Variants in MAF observed in about 807,000 individuals in gnomAD.
The protein encoded by MAF is transcription factor Maf.
In MAF, 10 loss-of-function variants were observed where a neutral mutation model predicts 22.0. The observed-to-expected ratio is 0.45, with a 90% CI of 0.28 to 0.77. The LOEUF (loss-of-function observed/expected upper bound fraction) is 0.77. MAF is among the 30% of genes least tolerant of loss of function. The pLI, the probability that MAF is intolerant of heterozygous loss-of-function variation, is 0.12. For missense variants in MAF, 544 were observed against 548.4 expected, an observed-to-expected ratio of 0.99 and a Z score of 0.08; for synonymous variants, 337 against 255.8, an observed-to-expected ratio of 1.32 and a Z score of -3.03.
chr16:79,578,958 C>G, the MAF span, among the ~76,000 whole-genome samples: 1 of 152,028 alleles, frequency 6.6e-6, no homozygotes, highest in African/African-American at 2.4e-5. Context: ...AGGGAGGGAC[C>G]CTTCCAGTAA....
the MAF span, among the ~76,000 whole-genome samples, chr16:79,256,601 A>G: frequency 6.6e-6 from 1 of 152,146 alleles, no homozygotes; most frequent in Admixed American, 6.5e-5. Context: ...CGTCCCCAGC[A>G]TGAGGTTTTA....
the MAF span, among the ~76,000 whole-genome samples, chr16:79,417,417 G>A: frequency 6.6e-6 from 1 of 152,210 alleles, no homozygotes. Context: ...CTATTTTGAA[G>A]GTGGAGGGGA....
At chr16:79,262,560 G>A in the MAF span, among the ~76,000 whole-genome samples, 2 of 152,140 alleles carry the variant, frequency 1.3e-5, no homozygotes, top group Non-Finnish European at 2.9e-5. Context: ...TACAGCACAC[G>A]CAAAGGCATG....
chr16:79,209,198 G>A, the MAF span, among the ~76,000 whole-genome samples: 2 of 152,220 alleles, frequency 1.3e-5, no homozygotes, highest in Non-Finnish European at 2.9e-5. Context: ...AGGTTGGCAT[G>A]AAATGAAGCC....
the MAF span, among the ~76,000 whole-genome samples, chr16:79,384,130 T>G: frequency 6.6e-6 from 1 of 152,058 alleles, no homozygotes; most frequent in Non-Finnish European, 1.5e-5. Context: ...AGGAAAGTAT[T>G]CTATTTAAGC....
the MAF span, among the ~76,000 whole-genome samples, chr16:79,207,921 A>G: frequency 2.0e-5 from 3 of 152,212 alleles, no homozygotes; most frequent in African/African-American, 7.2e-5. Context: ...AATGTTGATG[A>G]AAAGCAGCTA....
chr16:79,211,945 T>TAA, the MAF span: 1 of 1,537,080 alleles, frequency 6.5e-7, no homozygotes, highest in Admixed American at 2.0e-5. Context: ...TGAAAAATCT[T>TAA]AAGTACCAAT....
chr16:79,266,219 A>G, the MAF span, among the ~76,000 whole-genome samples: 1 of 152,122 alleles, frequency 6.6e-6, no homozygotes, highest in Non-Finnish European at 1.5e-5. Flanking sequence ...AGGGAGCAGG[A>G]TTTGATCACA....
chr16:79,495,862 C>T, the MAF span, among the ~76,000 whole-genome samples: 2 of 152,238 alleles, frequency 1.3e-5, no homozygotes, highest in South Asian at 2.1e-4. Flanking sequence ...GCACCATGGA[C>T]ACGGGAAGGA....
At chr16:79,561,855 G>A in the MAF span, among the ~76,000 whole-genome samples, 1 of 152,142 alleles carries the variant, frequency 6.6e-6, no homozygotes, top group Non-Finnish European at 1.5e-5. Flanking sequence ...TTAACCAAGA[G>A]TAACTATTTG....
At chr16:79,335,164 A>T in the MAF span, among the ~76,000 whole-genome samples, 13 of 148,876 alleles carry the variant, frequency 8.7e-5, no homozygotes, top group African/African-American at 3.2e-4. Flanking sequence ...CAGCCTGGCG[A>T]CAGAGCGAGA....
chr16:79,232,232 A>T, the MAF span, among the ~76,000 whole-genome samples: 1 of 152,080 alleles, frequency 6.6e-6, no homozygotes. Flanking sequence ...ACAAGTTAAA[A>T]AGACTTAAAT....
At chr16:79,396,529 T>C in the MAF span, among the ~76,000 whole-genome samples, 1 of 152,216 alleles carries the variant, frequency 6.6e-6, no homozygotes, top group African/African-American at 2.4e-5. Flanking sequence ...GAAGGCATTG[T>C]GTGGTTAAAT....
At chr16:79,581,146 T>C (rs1345647995), downstream of MAF, among the ~76,000 whole-genome samples, 1 of 152,090 alleles carries the variant, frequency 6.6e-6, no homozygotes, top group African/African-American at 2.4e-5. Flanking sequence ...AGAATTCTAA[T>C]CACTCCATTA....
the MAF span, among the ~76,000 whole-genome samples, chr16:79,463,876 T>C: frequency 6.6e-6 from 1 of 152,032 alleles, no homozygotes; most frequent in Non-Finnish European, 1.5e-5. Context: ...GTGGTGTTCT[T>C]TGATGCACCA....
chr16:79,516,963 G>A, the MAF span, among the ~76,000 whole-genome samples: 6 of 152,184 alleles, frequency 3.9e-5, no homozygotes, highest in Non-Finnish European at 7.3e-5. Context: ...CTGAACCAGA[G>A]GCTTTCTAAG....
intron 1 of MAF, chr16:79,595,545 T>C: frequency 9.4e-7 from 1 of 1,059,918 alleles, no homozygotes. Flanking sequence ...GCAAACTGCA[T>C]GAATTTGTAA....
chr16:79,578,739 G>C, the MAF span, among the ~76,000 whole-genome samples: 1 of 152,066 alleles, frequency 6.6e-6, no homozygotes, highest in African/African-American at 2.4e-5. Flanking sequence ...GCTATTAATC[G>C]CAAATTACTT....
rs1315244189 is a variant in MAF, at chr16:79,599,272, C to G, written c.631G>C (p.Gly211Arg). 3 of 978,630 alleles carry G rather than the reference C, an allele frequency of 3.1e-6. No homozygotes were observed. The highest frequency in any genetic ancestry group is 3.6e-6 in the Non-Finnish European group (3 of 827,388). The allele number at this position is 978,630 out of a possible 1,614,324, so 60.6% of individuals were successfully genotyped here. ...GAAGSAAASAGGAGGAGGGGP... is the reference protein window; with the variant it reads ...GAAGSAAASARGAGGAGGGGP... Reference sequence around the variant, plus strand: ...CCGCCGCCCGCGCCCCCAGCGCCACCGGCCGAGGCGGCCGCGCTGCCCGCG... The same window carrying G: ...CCGCCGCCCGCGCCCCCAGCGCCACGGGCCGAGGCGGCCGCGCTGCCCGCG... Residue 211 changes from glycine to arginine, a missense_variant, in exon 1 of 2, where the codon GGT becomes CGT. Around this residue, in one of 5 missense-constraint regions of MAF, gnomAD observed 342 missense variants for 315.5 expected, o/e 1.08. Coordinates refer to ENST00000326043, the MANE Select transcript of MAF (RefSeq NM_005360.5).
Sources: gnomAD v4.1 joint callset for allele counts (sites outside exome capture counted in the v4.1 genomes callset) on GRCh38, gnomAD v4.1.1 for gene constraint, gnomAD v4.1.1 regional missense constraint, MANE v1.5 for transcripts, NCBI Gene and HGNC (gene_info 2026-07-23, HGNC 2026-07-21) for gene names.